Variants in PFAS observed in about 807,000 individuals in gnomAD.
PFAS encodes the protein FGAM synthase.
A neutral mutation model predicts 140.6 loss-of-function variants in PFAS; 97 were observed. The observed-to-expected ratio is 0.69, with a 90% CI of 0.59 to 0.82. PFAS has a LOEUF of 0.82. PFAS is among the 40% of genes least tolerant of loss of function. PFAS has a pLI of 0.00. For synonymous variants in PFAS, 679 were observed against 718.8 expected (o/e 0.94, Z 0.88); for missense variants, 1,656 against 1,780.2 (o/e 0.93, Z 1.26).
intron 9 of PFAS, 88 bp downstream of exon 9, chr17:8,257,051 T>G (rs1989398507): frequency 7.1e-7 from 1 of 1,402,028 alleles, no homozygotes; most frequent in African/African-American, 1.4e-5. Context: ...GTCCATAGGG[T>G]TATCCTGTGT....
At chr17:8,268,465 C>T (rs1989917672) in intron 26 of PFAS, 68 bp from the exon 27 acceptor site, 1 of 1,073,638 alleles carries the variant, frequency 9.3e-7, no homozygotes, top group Non-Finnish European at 1.4e-6. Flanking sequence ...GCAGTTATGC[C>T]CCTTCATTCC....
chr17:8,247,956 T>C (rs1988905811), upstream of PFAS: 1 of 1,579,790 alleles, frequency 6.3e-7, no homozygotes, highest in Admixed American at 1.7e-5. Context: ...AAAGAGTATC[T>C]GTGACAAACA....
In PFAS at chr17:8,266,106, C is replaced by T; in HGVS notation, c.2701+89C>T. ...CTGAGCAGTGGGGCAAAAGGGACTC[C>T]AATGGACGATGTACCCCAGATCCCC... is the stretch of plus-strand genomic sequence containing the variant. On this transcript the variant is annotated intron_variant, in intron 21 of 27. Transcript: ENST00000314666. The surrounding 1 kb of genome is among the most constrained non-coding windows in gnomAD (Gnocchi z 5.0). The T allele has an allele frequency of 6.5e-7, 1 of 1,528,050 alleles. No individual in the cohort carries two copies. The highest frequency in any genetic ancestry group is 1.2e-5 in the South Asian group (1 of 81,316). 94.7% of individuals were successfully genotyped at this position (1,528,050 alleles called of 1,614,324 possible). A position where few individuals can be genotyped will look rare whatever the true frequency, so the allele number is the denominator to read the frequency against.
rs1022801250 is a variant in PFAS at position 8,266,830 on chromosome 17, C to T, written c.2899C>T (p.Arg967Cys). Reference protein sequence around the residue: ...QEPDLAQVLKRYRDAGLHCLE... With the variant: ...QEPDLAQVLKCYRDAGLHCLE... ...GCCAGACCTGGCCCAGGTGCTGAAGCGTTACCGGGATGCTGGCCTCCATTG... is the reference window on the plus strand; with the variant it reads ...GCCAGACCTGGCCCAGGTGCTGAAGTGTTACCGGGATGCTGGCCTCCATTG... The change falls in exon 23 of 28, where the codon CGT (arginine) becomes TGT (cysteine). Residue 967 changes from arginine to cysteine, a missense_variant. Physicochemically the swap from Arg to Cys is radical, Grantham distance 180. Transcript: ENST00000314666. The surrounding 1 kb of genome is among the most constrained non-coding windows in gnomAD (Gnocchi z 5.0). 12 of 1,611,406 alleles carry T rather than the reference C, an allele frequency of 7.4e-6. No individual in the cohort carries two copies. The highest frequency in any genetic ancestry group is 8.5e-6 in the Non-Finnish European group (10 of 1,179,876).
chr17:8,266,264 G>A lies in PFAS; in HGVS notation c.2732G>A (p.Ser911Asn). ...CTCCTCTGCTCAGGCCACGATGTCAGTGACGGAGGCCTCGTCACATGCCTG... is the reference window on the plus strand; with the variant it reads ...CTCCTCTGCTCAGGCCACGATGTCAATGACGGAGGCCTCGTCACATGCCTG... ...DRLLCSGHDV[S>N]DGGLVTCLLE... The change falls in exon 22 of 28, where the codon AGT (serine) becomes AAT (asparagine). Residue 911 changes from serine to asparagine, a missense_variant. Around this residue, in one of 2 missense-constraint regions of PFAS, gnomAD observed 883 missense variants for 1,023.0 expected, o/e 0.86. Coordinates refer to ENST00000314666, the MANE Select transcript of PFAS (RefSeq NM_012393.3). This position sits in a 1 kb window ranked among gnomAD's most constrained non-coding sequence, Gnocchi z 5.0. The A allele has an allele frequency of 1.9e-6, 3 of 1,614,108 alleles. No homozygotes were observed. The highest frequency in any genetic ancestry group is 2.5e-6 in the Non-Finnish European group (3 of 1,180,004).
At position 8,265,610 on chromosome 17, in the gene PFAS, C is replaced by T. The variant is rs1989781829; in HGVS notation, c.2516C>T (p.Thr839Ile). ...TGCCCAGACATCACAGCCACTGTGA[C>T]CCCAGACCTCAAGCATCCTGAAGGG... ...AVCPDITATV[T>I]PDLKHPEGRG... Residue 839 changes from threonine to isoleucine, a missense_variant, in exon 20 of 28, where the codon ACC (threonine) becomes ATC (isoleucine). By Grantham distance (89) the Thr-to-Ile change is moderately conservative. Around this residue, in one of 2 missense-constraint regions of PFAS, gnomAD observed 883 missense variants for 1,023.0 expected, o/e 0.86. Coordinates refer to ENST00000314666, the MANE Select transcript of PFAS (RefSeq NM_012393.3). 1 of 1,613,622 alleles carries T rather than the reference C, an allele frequency of 6.2e-7. No individual in the cohort carries two copies. The highest frequency in any genetic ancestry group is 8.5e-7 in the Non-Finnish European group (1 of 1,179,628).
Position 8,265,603 on chromosome 17 carries a change from A to T in PFAS, c.2509A>T (p.Thr837Ser). The change falls in exon 20 of 28, where the codon ACT (threonine) becomes TCT (serine). Residue 837 changes from threonine (T) to serine (S), a missense_variant. Physicochemically the swap from Thr to Ser is moderately conservative, Grantham distance 58 (BLOSUM62 1). Around this residue, in one of 2 missense-constraint regions of PFAS, gnomAD observed 883 missense variants for 1,023.0 expected, o/e 0.86. Coordinates refer to ENST00000314666, the MANE Select transcript of PFAS (RefSeq NM_012393.3). ...TGCCGTCTGCCCAGACATCACAGCC[A>T]CTGTGACCCCAGACCTCAAGCATCC... is the stretch of plus-strand genomic sequence containing the variant. ...AYAVCPDITATVTPDLKHPEG... is the reference protein window; with the variant it reads ...AYAVCPDITASVTPDLKHPEG... 6.2e-7 allele frequency: 1 copy of T among 1,613,938 alleles called. No individual in the cohort carries two copies. Among genetic ancestry groups the T allele is most frequent in the Non-Finnish European group, 8.5e-7 (1 of 1,179,834 alleles).
chr17:8,257,858 C>T lies in PFAS; in HGVS notation c.1127C>T (p.Ala376Val), dbSNP rs201894250. ...AGCTTCCAGTATCCTGGGAATTTTG[C>T]CCGGCCCCTGGAGGTTGCCATTGAA... ...DPSFQYPGNFARPLEVAIEAS... is the reference protein window; with the variant it reads ...DPSFQYPGNFVRPLEVAIEAS... Residue 376 changes from alanine (A) to valine (V), a missense_variant, in exon 10 of 28, where the codon GCC (alanine) becomes GTC (valine). Coordinates refer to ENST00000314666, the MANE Select transcript of PFAS (RefSeq NM_012393.3). 2 of 1,614,004 alleles carry T rather than the reference C, an allele frequency of 1.2e-6. No individual in the cohort carries two copies. Among genetic ancestry groups the T allele is most frequent in the Admixed American group, 3.3e-5 (2 of 60,008 alleles).
rs1302045553 is a variant in PFAS, at chr17:8,263,804, A to G, written c.1659A>G (p.Glu553=). ...QLGDPTLNAL[E]IWGAEYQESN... Reference sequence around the variant, plus strand: ...GGGACCCAACCCTGAATGCCCTGGAAATCTGGGGGGCTGAGTACCAGGAAT... The same window carrying G: ...GGGACCCAACCCTGAATGCCCTGGAGATCTGGGGGGCTGAGTACCAGGAAT... The change falls in exon 15 of 28, where the codon GAA becomes GAG. Residue 553 remains glutamate (E), a synonymous_variant. Coordinates refer to ENST00000314666, the MANE Select transcript of PFAS (RefSeq NM_012393.3). The G allele has an allele frequency of 2.7e-5, 44 of 1,613,972 alleles. No individual in the cohort carries two copies. The highest frequency in any genetic ancestry group is 3.7e-5 in the Non-Finnish European group (44 of 1,179,988).
chr17:8,268,524 C>A lies in PFAS; in HGVS notation c.3383-9C>A. 1 of 1,606,730 alleles carries A rather than the reference C, an allele frequency of 6.2e-7. No homozygotes were observed. Among genetic ancestry groups the A allele is most frequent in the Non-Finnish European group, 8.5e-7 (1 of 1,175,800 alleles). On this transcript the variant is annotated splice_polypyrimidine_tract_variant and intron_variant, in intron 26 of 27. Transcript: ENST00000314666. ...CATGTCTCACCCTGACTTCCCTATT[C>A]CCTGCTAGGGTGGGCAGCTGCTGTG... is the stretch of plus-strand genomic sequence containing the variant.
chr17:8,247,850 G>T, upstream of PFAS: 1 of 700,460 alleles, frequency 1.4e-6, no homozygotes, highest in Non-Finnish European at 2.5e-6. Flanking sequence ...CGCAGAACCA[G>T]TAAGAGGTAG....
At chr17:8,264,634 T>G (rs1274092210) in intron 17 of PFAS, 33 bp downstream of exon 17, 1 of 1,567,224 alleles carries the variant, frequency 6.4e-7, no homozygotes, top group Non-Finnish European at 8.6e-7. Context: ...GCCCCCTGCC[T>G]CCTTCCTCCG....
At position 8,255,911 on chromosome 17, in the gene PFAS, G is replaced by C. The variant is rs755349106; in HGVS notation, c.680+1G>C. On this transcript the variant is annotated splice_donor_variant, in intron 6 of 27. Transcript: ENST00000314666. LOFTEE classifies it high-confidence loss of function. ...CCTTTGACTTGGCGCAGTCCAATAG[G>C]TGAGGAGAAATGGGGTTGTTCCCAT... The C allele has an allele frequency of 2.5e-6, 4 of 1,606,272 alleles. No homozygotes were observed. The highest frequency in any genetic ancestry group is 3.4e-6 in the Non-Finnish European group (4 of 1,172,808).
rs748040892 is a variant in PFAS at position 8,257,835 on chromosome 17, C to T, written c.1104C>T (p.Ser368=). 6.2e-7 allele frequency: 1 copy of T among 1,613,852 alleles called. No individual in the cohort carries two copies. The highest frequency in any genetic ancestry group is 8.5e-7 in the Non-Finnish European group (1 of 1,179,712). Reference sequence around the variant, plus strand: ...ACAATCTGCCCTGGGAGGATCCAAGCTTCCAGTATCCTGGGAATTTTGCCC... The same window carrying T: ...ACAATCTGCCCTGGGAGGATCCAAGTTTCCAGTATCCTGGGAATTTTGCCC... ...PGYNLPWEDP[S]FQYPGNFARP... Residue 368 remains serine (S), a synonymous_variant, in exon 10 of 28, where the codon AGC becomes AGT. Coordinates refer to ENST00000314666, the MANE Select transcript of PFAS (RefSeq NM_012393.3).
chr17:8,254,976 C>T (rs890936809), intron 3 of PFAS, 51 bp from the exon 4 acceptor site: 2 of 1,332,314 alleles, frequency 1.5e-6, no homozygotes, highest in Non-Finnish European at 2.2e-6. Flanking sequence ...ACCCTCCCAG[C>T]TGAGGCCTGC....
At position 8,255,551 on chromosome 17, in the gene PFAS, T is replaced by G; in HGVS notation, c.434T>G (p.Leu145Arg). ...GTGGAAGCCATTGCTCTGGCTACCC[T>G]GCACGACCGGATGACAGAGCAGCAC... ...AEVEAIALAT[L>R]HDRMTEQHFP... is the part of the protein sequence containing the mutation. The change falls in exon 5 of 28, where the codon CTG (leucine) becomes CGG (arginine). Residue 145 changes from leucine to arginine, a missense_variant. This residue lies in a region of PFAS where 773 missense variants were observed against 757.3 expected (regional missense o/e 1.02). Transcript: ENST00000314666. The G allele has an allele frequency of 4.5e-6, 7 of 1,543,062 alleles. No individual in the cohort carries two copies. Among genetic ancestry groups the G allele is most frequent in the Non-Finnish European group, 6.1e-6 (7 of 1,151,102 alleles).
rs371924315 is a variant in PFAS, at chr17:8,254,066, C to T, written c.129C>T (p.Asn43=). The T allele has an allele frequency of 1.8e-5, 29 of 1,613,964 alleles. No individual in the cohort carries two copies. Among genetic ancestry groups the T allele is most frequent in the East Asian group, 1.6e-4 (7 of 44,888 alleles). The part of the protein sequence containing the change: ...LQGVETELCY[N]VNWTAEALPS... ...GCGTCGAGACTGAACTGTGCTACAA[C>T]GTGAACTGGACAGGTTGGGCCCAGG... The change falls in exon 2 of 28, where the codon AAC becomes AAT. Residue 43 remains asparagine, a synonymous_variant. Coordinates refer to ENST00000314666, the MANE Select transcript of PFAS (RefSeq NM_012393.3).
chr17:8,257,798 C>G lies in PFAS; in HGVS notation c.1076-9C>G, dbSNP rs954306429. The stretch of plus-strand genomic sequence containing the variant: ...TCAGTTCATCCAGTTCTCTCTCCTT[C>G]CCTCCCAGGTTACAATCTGCCCTGG... On this transcript the variant is annotated splice_polypyrimidine_tract_variant and intron_variant, in intron 9 of 27. Coordinates refer to ENST00000314666, the MANE Select transcript of PFAS (RefSeq NM_012393.3). 4.3e-6 allele frequency: 7 copies of G among 1,613,676 alleles called. No homozygotes were observed. Among genetic ancestry groups the G allele is most frequent in the Non-Finnish European group, 5.9e-6 (7 of 1,179,576 alleles).
Position 8,266,790 on chromosome 17 carries a change from G to A in PFAS, c.2859G>A (p.Val953=), listed in dbSNP as rs1989832064. The A allele has an allele frequency of 6.2e-7, 1 of 1,612,198 alleles. No individual in the cohort carries two copies. Among genetic ancestry groups the A allele is most frequent in the South Asian group, 1.1e-5 (1 of 90,982 alleles). The change falls in exon 23 of 28, where the codon GTG becomes GTA. Residue 953 remains valine, a synonymous_variant. Transcript: ENST00000314666. The surrounding 1 kb of genome is among the most constrained non-coding windows in gnomAD (Gnocchi z 5.0). ...TGTTCGCTGAGGAGCCAGGCCTCGTGCTGGAGGTGCAGGAGCCAGACCTGG... is the reference window on the plus strand; with the variant it reads ...TGTTCGCTGAGGAGCCAGGCCTCGTACTGGAGGTGCAGGAGCCAGACCTGG... ...SVLFAEEPGL[V]LEVQEPDLAQ...
Sources: gnomAD v4.1 joint callset for allele counts on GRCh38, gnomAD v4.1.1 for gene constraint, gnomAD v4.1.1 regional missense constraint, Gnocchi (gnomAD v3.1) non-coding constraint, MANE v1.5 for transcripts, NCBI Gene and HGNC (gene_info 2026-07-23, HGNC 2026-07-21) for gene names.